Variants in OR6N1 observed in about 807,000 individuals in gnomAD.
OR6N1 encodes olfactory receptor 6N1.
For missense variants in OR6N1, 394 were observed against 371.7 expected (o/e 1.06, Z -0.49); for synonymous variants, 170 against 150.7 (o/e 1.13, Z -0.94).
the OR6N1 span, among the ~76,000 whole-genome samples, chr1:158,782,990 A>G: frequency 2.0e-5 from 3 of 152,212 alleles, no homozygotes; most frequent in Non-Finnish European, 2.9e-5. Flanking sequence ...CCTACCCATC[A>G]TACTCTTTTC....
At chr1:158,786,213 T>C in the OR6N1 span, among the ~76,000 whole-genome samples, 1 of 152,056 alleles carries the variant, frequency 6.6e-6, no homozygotes, top group Admixed American at 6.6e-5. Context: ...CAAAAAAGAA[T>C]ACACAAACAG....
At chr1:158,786,851 T>C in the OR6N1 span, among the ~76,000 whole-genome samples, 1 of 151,852 alleles carries the variant, frequency 6.6e-6, no homozygotes, top group East Asian at 1.9e-4. Flanking sequence ...GGGGAAAAGG[T>C]GAGGAGGATG....
chr1:158,804,159 A>G, the OR6N1 span, among the ~76,000 whole-genome samples: 1 of 152,312 alleles, frequency 6.6e-6, no homozygotes, highest in South Asian at 2.1e-4. Flanking sequence ...GGTTCCTGAG[A>G]AGAGATTATG....
the OR6N1 span, among the ~76,000 whole-genome samples, chr1:158,824,319 G>A: frequency 0.026 from 4,031 of 152,160 alleles, 180 homozygotes; most frequent in African/African-American, 0.09. Context: ...GCCTTCCACC[G>A]TGATTGTGAG....
the OR6N1 span, among the ~76,000 whole-genome samples, chr1:158,787,057 T>C: frequency 6.6e-6 from 1 of 152,148 alleles, no homozygotes; most frequent in African/African-American, 2.4e-5. Context: ...TCATGTTGGA[T>C]GTGAGGCCTG....
chr1:158,809,560 A>G, the OR6N1 span, among the ~76,000 whole-genome samples: 952 of 152,192 alleles, frequency 6.3e-3, 10 homozygotes, highest in African/African-American at 0.022. Context: ...ATCCCATTTT[A>G]ATCCCTTTCT....
At chr1:158,820,523 T>C in the OR6N1 span, among the ~76,000 whole-genome samples, 1 of 152,222 alleles carries the variant, frequency 6.6e-6, no homozygotes, top group South Asian at 2.1e-4. Flanking sequence ...GCGTAAGAAA[T>C]AAAATCCAAA....
At chr1:158,777,278 AG>A in the OR6N1 span, 2 of 1,614,076 alleles carry the variant, frequency 1.2e-6, no homozygotes, top group South Asian at 2.2e-5. Flanking sequence ...TATCTATCAT[AG>A]GCCATGGCTG....
chr1:158,786,228 C>A, the OR6N1 span, among the ~76,000 whole-genome samples: 5 of 152,026 alleles, frequency 3.3e-5, no homozygotes, highest in South Asian at 6.2e-4. Context: ...AAACAGCCAA[C>A]AAATATATGA....
the OR6N1 span, among the ~76,000 whole-genome samples, chr1:158,818,237 T>C: frequency 6.6e-6 from 1 of 152,230 alleles, no homozygotes; most frequent in East Asian, 1.9e-4. Flanking sequence ...ACTAGACACA[T>C]AGCCTTTCTG....
At chr1:158,771,795 T>C (rs140524235) in intron 1 of OR6N1, among the ~76,000 whole-genome samples, 256 of 152,338 alleles carry the variant, frequency 1.7e-3, no homozygotes, top group African/African-American at 5.8e-3. Context: ...GTTTACACAG[T>C]TAGTTAAAAA....
chr1:158,777,477 T>C, the OR6N1 span: 1 of 1,614,212 alleles, frequency 6.2e-7, no homozygotes, highest in Non-Finnish European at 8.5e-7. Context: ...TGTGCAGAGC[T>C]GCATCCAGTC....
chr1:158,783,585 T>G, the OR6N1 span, among the ~76,000 whole-genome samples: 229 of 152,316 alleles, frequency 1.5e-3, no homozygotes, highest in African/African-American at 5.1e-3. Context: ...TGTCTAAACA[T>G]TCTATGTTCC....
the OR6N1 span, among the ~76,000 whole-genome samples, chr1:158,788,276 G>A: frequency 7.9e-5 from 12 of 152,250 alleles, no homozygotes; most frequent in Middle Eastern, 6.8e-3. Flanking sequence ...AGTCTGCCTA[G>A]AAGTCTATCA....
the OR6N1 span, among the ~76,000 whole-genome samples, chr1:158,835,305 T>C: frequency 6.6e-6 from 1 of 152,152 alleles, no homozygotes; most frequent in African/African-American, 2.4e-5. Flanking sequence ...CTTCAAAGTG[T>C]TGTATAATTT....
chr1:158,802,789 C>T, the OR6N1 span, among the ~76,000 whole-genome samples: 1 of 152,178 alleles, frequency 6.6e-6, no homozygotes, highest in African/African-American at 2.4e-5. Context: ...ATTACCATTA[C>T]TTACATTATC....
chr1:158,837,329 T>C, the OR6N1 span, among the ~76,000 whole-genome samples: 1 of 151,878 alleles, frequency 6.6e-6, no homozygotes, highest in Non-Finnish European at 1.5e-5. Flanking sequence ...ACTATTACCT[T>C]AGAGTTGTCT....
chr1:158,764,925 T>C lies in OR6N1; in HGVS notation c.*819A>G, dbSNP rs1320049008. The C allele has an allele frequency of 6.6e-6, 1 of 152,078 alleles. No homozygotes were observed. Among genetic ancestry groups the C allele is most frequent in the Admixed American group, 6.6e-5 (1 of 15,260 alleles). The allele number at this position is 152,078 out of a possible 1,614,324, so 9.4% of individuals were successfully genotyped here. A position where few individuals can be genotyped will look rare whatever the true frequency, so the allele number is the denominator to read the frequency against. On this transcript the variant is annotated 3_prime_UTR_variant, in exon 2 of 2. Coordinates refer to ENST00000641846, the MANE Select transcript of OR6N1 (RefSeq NM_001005185.2). ...ATACTTTTCAAGTATAGTATACTTGTATACTATACAAGTATTCCTTCTGGC... is the reference window on the plus strand; with the variant it reads ...ATACTTTTCAAGTATAGTATACTTGCATACTATACAAGTATTCCTTCTGGC...
the OR6N1 span, among the ~76,000 whole-genome samples, chr1:158,811,164 T>A: frequency 6.6e-6 from 1 of 152,178 alleles, no homozygotes; most frequent in Non-Finnish European, 1.5e-5. Flanking sequence ...ATTAATTTGC[T>A]GAGGATAATG....
Sources: gnomAD v4.1 joint callset for allele counts (sites outside exome capture counted in the v4.1 genomes callset) on GRCh38, gnomAD v4.1.1 for gene constraint, MANE v1.5 for transcripts, NCBI Gene and HGNC (gene_info 2026-07-23, HGNC 2026-07-21) for gene names.